WNT7A: variants seen among roughly 807,000 people sequenced by gnomAD.
WNT7A encodes the protein protein Wnt-7a.
A neutral mutation model predicts 28.2 loss-of-function variants in WNT7A; 16 were observed. The observed-to-expected ratio is 0.57, with a 90% CI of 0.38 to 0.86. WNT7A has a LOEUF of 0.86. Ranked by LOEUF, WNT7A falls within the 40% of genes least tolerant of loss-of-function variation. The pLI is 0.00. For synonymous variants in WNT7A, 190 were observed against 195.9 expected (o/e 0.97, Z 0.25); for missense variants, 411 against 489.7 (o/e 0.84, Z 1.52).
rs1251089261 is a variant in WNT7A, at chr3:13,874,927, G to T, written c.298+20C>A. ...CTAGAGCCGGTAAGACTCTGCGGGGGTGTTTGGGTGAGCACATACCCACTT... is the reference window on the plus strand; with the variant it reads ...CTAGAGCCGGTAAGACTCTGCGGGGTTGTTTGGGTGAGCACATACCCACTT... On this transcript the variant is annotated intron_variant, in intron 2 of 3. Transcript: ENST00000285018. 4 of 1,612,542 alleles carry T rather than the reference G, an allele frequency of 2.5e-6. No individual in the cohort carries two copies. The highest frequency in any genetic ancestry group is 3.4e-6 in the Non-Finnish European group (4 of 1,179,280).
intron 2 of WNT7A, among the ~76,000 whole-genome samples, chr3:13,863,436 G>A (rs565921303): frequency 6.6e-6 from 1 of 152,270 alleles, no homozygotes; most frequent in East Asian, 1.9e-4. Context: ...GTGTGTGTAT[G>A]TGTATATGTG....
chr3:13,845,279 C>G (rs998199418), intron 3 of WNT7A, among the ~76,000 whole-genome samples: 1 of 152,136 alleles, frequency 6.6e-6, no homozygotes, highest in Non-Finnish European at 1.5e-5. Context: ...ACGTCTCAGC[C>G]CTTACTCCGT....
chr3:13,840,930 C>T (rs1218231835), intron 3 of WNT7A, among the ~76,000 whole-genome samples: 6 of 152,236 alleles, frequency 3.9e-5, no homozygotes, highest in Admixed American at 2.6e-4. Context: ...CCCCTACACA[C>T]TCCTCTACCA....
intron 3 of WNT7A, among the ~76,000 whole-genome samples, chr3:13,821,428 T>C (rs1285407060): frequency 6.6e-6 from 1 of 152,166 alleles, no homozygotes; most frequent in Non-Finnish European, 1.5e-5. Context: ...CCAAGACACA[T>C]ACCCTAGAGA....
intron 3 of WNT7A, among the ~76,000 whole-genome samples, chr3:13,834,821 C>T (rs887881429): frequency 2.6e-5 from 4 of 152,212 alleles, no homozygotes; most frequent in African/African-American, 9.7e-5. Context: ...TGTGACACAG[C>T]ACACGTTTTA....
intron 3 of WNT7A, among the ~76,000 whole-genome samples, chr3:13,834,375 G>GCTGGGGGTCGGGTGCACA (rs1694330874): frequency 6.6e-6 from 1 of 152,160 alleles, no homozygotes; most frequent in African/African-American, 2.4e-5. Context: ...GGCTGCTGAT[G>GCTGGGGGTCGGGTGCACA]CTGGGGGTCG....
At chr3:13,842,100 G>A (rs1309853927) in intron 3 of WNT7A, among the ~76,000 whole-genome samples, 2 of 152,124 alleles carry the variant, frequency 1.3e-5, no homozygotes, top group Non-Finnish European at 2.9e-5. Flanking sequence ...GGGCCTGTGA[G>A]CCACCGTGAA....
chr3:13,875,398 A>G (rs1695096485), intron 1 of WNT7A, among the ~76,000 whole-genome samples: 1 of 152,182 alleles, frequency 6.6e-6, no homozygotes, highest in South Asian at 2.1e-4. Flanking sequence ...AAACATACAC[A>G]CACTTGATTT....
chr3:13,871,695 G>A lies in WNT7A; in HGVS notation c.298+3252C>T, dbSNP rs191600401. Among the ~76,000 whole-genome samples the A allele has an allele frequency of 1.8e-4, 27 of 152,118 alleles. No individual in the cohort carries two copies. In the East Asian group the frequency reaches 5.2e-3, roughly 29 times the overall value. ...AGCAGGTCTCCATGGCTATCACTGA[G>A]GCTGAGCCACCATCACCTCCTTCCT... On this transcript the variant is annotated intron_variant, in intron 2 of 3. Coordinates refer to ENST00000285018, the MANE Select transcript of WNT7A (RefSeq NM_004625.4).
chr3:13,868,506 A>G (rs146104246), intron 2 of WNT7A, among the ~76,000 whole-genome samples: 8,081 of 143,856 alleles, frequency 0.056, 577 homozygotes, highest in African/African-American at 0.15. Flanking sequence ...GAAAGAAAGA[A>G]AGAGAGAGAG....
At chr3:13,872,283 A>G (rs985770526) in intron 2 of WNT7A, among the ~76,000 whole-genome samples, 2 of 152,212 alleles carry the variant, frequency 1.3e-5, no homozygotes, top group African/African-American at 4.8e-5. Context: ...TATGGATTCA[A>G]CCAGAGACCT....
chr3:13,818,919 C>A lies in WNT7A; in HGVS notation c.*25G>T. ...GTCCTCCCAGCAATCTGACTTGCAGCGGGAGGGTGGTGTGCACACGGGGCT... is the reference window on the plus strand; with the variant it reads ...GTCCTCCCAGCAATCTGACTTGCAGAGGGAGGGTGGTGTGCACACGGGGCT... On this transcript the variant is annotated 3_prime_UTR_variant, in exon 4 of 4. Transcript: ENST00000285018. 6.5e-7 allele frequency: 1 copy of A among 1,547,734 alleles called. No homozygotes were observed. Among genetic ancestry groups the A allele is most frequent in the Non-Finnish European group, 8.8e-7 (1 of 1,141,900 alleles).
chr3:13,832,378 A>C (rs1303950764), intron 3 of WNT7A, among the ~76,000 whole-genome samples: 36 of 109,578 alleles, frequency 3.3e-4, no homozygotes, highest in African/African-American at 5.4e-4. Context: ...GGCTCCTCCC[A>C]CTCCTCCTCC....
chr3:13,854,795 C>T lies in WNT7A; in HGVS notation c.307G>A (p.Glu103Lys). Residue 103 changes from glutamate to lysine, a missense_variant, in exon 3 of 4, where the codon GAG becomes AAG. Coordinates refer to ENST00000285018, the MANE Select transcript of WNT7A (RefSeq NM_004625.4). Reference protein sequence around the residue: ...FGKELKVGSREAAFTYAIIAA... With the variant: ...FGKELKVGSRKAAFTYAIIAA... ...ATGATGGCGTAGGTGAACGCAGCCT[C>T]CCGGCTCCCTGCGAGGAGGAGAGAA... The T allele has an allele frequency of 6.2e-7, 1 of 1,612,650 alleles. No homozygotes were observed. Among genetic ancestry groups the T allele is most frequent in the Non-Finnish European group, 8.5e-7 (1 of 1,180,038 alleles).
chr3:13,864,449 C>T (rs1384851920), intron 2 of WNT7A, among the ~76,000 whole-genome samples: 2 of 152,196 alleles, frequency 1.3e-5, no homozygotes, highest in Non-Finnish European at 2.9e-5. Context: ...ACTCCCCTTC[C>T]CCTCCTGGGT....
Position 13,819,147 on chromosome 3 carries a change from C to T in WNT7A, c.847G>A (p.Val283Met), listed in dbSNP as rs369543336. Residue 283 changes from valine (V) to methionine (M), a missense_variant, in exon 4 of 4, where the codon GTG (valine) becomes ATG (methionine). Physicochemically the swap from Val to Met is conservative, Grantham distance 21. Transcript: ENST00000285018. ...KSPNYCEEDP[V>M]TGSVGTQGRA... is the part of the protein sequence containing the mutation. ...CCCTGGGTGCCCACACTGCCGGTCA[C>T]CGGGTCCTCCTCGCAGTAGTTGGGC... 6 of 1,614,104 alleles carry T rather than the reference C, an allele frequency of 3.7e-6. No homozygotes were observed. The African/African-American group carries it at 6.7e-5, about 18-fold the overall frequency.
intron 3 of WNT7A, among the ~76,000 whole-genome samples, chr3:13,844,292 C>T (rs1177437924): frequency 6.6e-6 from 1 of 152,170 alleles, no homozygotes; most frequent in African/African-American, 2.4e-5. Flanking sequence ...ATAGGCCCTT[C>T]CCTGTGAGAT....
intron 2 of WNT7A, among the ~76,000 whole-genome samples, chr3:13,865,369 C>T (rs536524632): frequency 6.6e-6 from 1 of 152,170 alleles, no homozygotes; most frequent in African/African-American, 2.4e-5. Context: ...GGCACAGCTC[C>T]TCTTGAATCA....
At chr3:13,854,405 C>T in intron 3 of WNT7A, 127 bp downstream of exon 3, 2 of 1,494,400 alleles carry the variant, frequency 1.3e-6, no homozygotes, top group Non-Finnish European at 1.8e-6. Flanking sequence ...ATGCCAGCAC[C>T]AAGCAGAATG....
Sources: gnomAD v4.1 joint callset for allele counts (sites outside exome capture counted in the v4.1 genomes callset) on GRCh38, gnomAD v4.1.1 for gene constraint, MANE v1.5 for transcripts, NCBI Gene and HGNC (gene_info 2026-07-23, HGNC 2026-07-21) for gene names.